The following PDE3A variants were observed in gnomAD, a reference collection of about 807,000 sequenced individuals.
PDE3A encodes cGMP-inhibited 3',5'-cyclic phosphodiesterase 3A.
PDE3A carries 43 observed loss-of-function variants against 98.3 expected under a neutral mutation model. The observed-to-expected ratio is 0.44, with a 90% CI of 0.34 to 0.56. PDE3A has a LOEUF of 0.56. Among genes scored for constraint, PDE3A ranks in the 20% least tolerant of loss-of-function variants. PDE3A has a pLI of 0.01. For missense variants in PDE3A, 1,427 were observed against 1,440.7 expected (o/e 0.99, Z 0.15); for synonymous variants, 663 against 567.9 (o/e 1.17, Z -2.38).
At chr12:20,664,277 C>G (rs1241609932) in intron 15 of PDE3A, among the ~76,000 whole-genome samples, 1 of 152,126 alleles carries the variant, frequency 6.6e-6, no homozygotes, top group Non-Finnish European at 1.5e-5. Context: ...AATTCACAAT[C>G]TAATGGGAGG....
At position 20,633,710 on chromosome 12, in the gene PDE3A, C is replaced by T; in HGVS notation, c.1778C>T (p.Ser593Phe). 1.2e-6 allele frequency: 2 copies of T among 1,609,640 alleles called. No individual in the cohort carries two copies. The highest frequency in any genetic ancestry group is 1.7e-6 in the Non-Finnish European group (2 of 1,177,334). Reference protein sequence around the residue: ...VICSSCGRPYSQGNPADEPLE... With the variant: ...VICSSCGRPYFQGNPADEPLE... ...TTTTTTAGCTGTGGCAGACCATATT[C>T]CCAAGGGAATCCTGCTGATGAGCCC... is the stretch of plus-strand genomic sequence containing the variant. Residue 593 changes from serine (S) to phenylalanine (F), a missense_variant, in exon 7 of 16, where the codon TCC becomes TTC. Coordinates refer to ENST00000359062, the MANE Select transcript of PDE3A (RefSeq NM_000921.5).
intron 2 of PDE3A, among the ~76,000 whole-genome samples, chr12:20,606,604 A>C (rs942802867): frequency 6.6e-6 from 1 of 152,052 alleles, no homozygotes; most frequent in African/African-American, 2.4e-5. Flanking sequence ...CACGCTTATA[A>C]TCCCAGGACT....
At chr12:20,525,760 G>A (rs1400547696) in intron 1 of PDE3A, among the ~76,000 whole-genome samples, 1 of 152,108 alleles carries the variant, frequency 6.6e-6, no homozygotes, top group African/African-American at 2.4e-5. Flanking sequence ...GTTTGGTAAG[G>A]TTACTAAAGA....
intron 15 of PDE3A, among the ~76,000 whole-genome samples, chr12:20,675,369 C>T (rs1945609428): frequency 1.3e-5 from 2 of 152,268 alleles, no homozygotes; most frequent in South Asian, 4.1e-4. Flanking sequence ...CATGTGCTGA[C>T]AATGAGTACT....
chr12:20,405,904 C>T (rs973924492), intron 1 of PDE3A, among the ~76,000 whole-genome samples: 17 of 152,180 alleles, frequency 1.1e-4, no homozygotes, highest in African/African-American at 4.1e-4. Context: ...CACCTTCCAG[C>T]GCTTGACAAT....
At chr12:20,543,609 A>G (rs561037401) in intron 1 of PDE3A, among the ~76,000 whole-genome samples, 1 of 152,174 alleles carries the variant, frequency 6.6e-6, no homozygotes, top group East Asian at 1.9e-4. Context: ...ACTCTGAGTA[A>G]TGCTGCATGA....
At chr12:20,654,901 C>T (rs1415074571) in intron 15 of PDE3A, among the ~76,000 whole-genome samples, 1 of 152,016 alleles carries the variant, frequency 6.6e-6, no homozygotes, top group Admixed American at 6.6e-5. Flanking sequence ...GTTAGGGGAA[C>T]TCCATGTGAA....
intron 1 of PDE3A, among the ~76,000 whole-genome samples, chr12:20,501,763 A>G (rs1946029037): frequency 6.6e-6 from 1 of 152,184 alleles, no homozygotes; most frequent in African/African-American, 2.4e-5. Context: ...CTGTAGTAAT[A>G]CAATCAAAAA....
At chr12:20,642,556 G>A (rs750766235) in intron 10 of PDE3A, among the ~76,000 whole-genome samples, 10 of 152,090 alleles carry the variant, frequency 6.6e-5, no homozygotes, top group Non-Finnish European at 1.5e-4. Context: ...TATTTTTGAA[G>A]GTAGTTTTTA....
In PDE3A at chr12:20,370,243, A is replaced by G; in HGVS notation, c.959A>G (p.Gln320Arg). The G allele has an allele frequency of 1.3e-6, 2 of 1,531,918 alleles. No homozygotes were observed. The highest frequency in any genetic ancestry group is 8.8e-7 in the Non-Finnish European group (1 of 1,142,128). 94.9% of individuals were successfully genotyped at this position (1,531,918 alleles called of 1,614,324 possible). A position where few individuals can be genotyped will look rare whatever the true frequency, so the allele number is the denominator to read the frequency against. ...RTSLPCIPRE[Q>R]LMGHSEWDHK... is the part of the protein sequence containing the mutation. ...TCCCTGCCCTGTATACCGAGGGAAC[A>G]GGTAAGCACTGGCAACTCCTCTCTC... Residue 320 changes from glutamine to arginine, a missense_variant and splice_region_variant, in exon 1 of 16, where the codon CAG becomes CGG. Physicochemically the swap from Gln to Arg is conservative, Grantham distance 43 (BLOSUM62 1). This residue lies in a region of PDE3A where 1,012 missense variants were observed against 886.5 expected (regional missense o/e 1.14). Coordinates refer to ENST00000359062, the MANE Select transcript of PDE3A (RefSeq NM_000921.5).
intron 1 of PDE3A, among the ~76,000 whole-genome samples, chr12:20,471,894 A>G (rs1650661997): frequency 6.6e-6 from 1 of 152,146 alleles, no homozygotes; most frequent in Non-Finnish European, 1.5e-5. Context: ...CAGGATGTAA[A>G]TGAAATGGTA....
chr12:20,647,804 T>C (rs1157042480), intron 12 of PDE3A, among the ~76,000 whole-genome samples: 1 of 152,102 alleles, frequency 6.6e-6, no homozygotes, highest in East Asian at 1.9e-4. Context: ...TTTCCACTTG[T>C]CTTTCATACA....
intron 1 of PDE3A, among the ~76,000 whole-genome samples, chr12:20,470,294 T>A (rs1051083515): frequency 1.3e-5 from 2 of 152,124 alleles, no homozygotes; most frequent in Non-Finnish European, 1.5e-5. Context: ...TAGTTTTTAT[T>A]TTGAATGTTG....
At chr12:20,426,667 G>A (rs1040657020) in intron 1 of PDE3A, among the ~76,000 whole-genome samples, 4 of 152,074 alleles carry the variant, frequency 2.6e-5, no homozygotes, top group Admixed American at 6.6e-5. Flanking sequence ...AAATGGACAC[G>A]CTTATATATT....
chr12:20,456,617 G>A (rs1370745609), intron 1 of PDE3A, among the ~76,000 whole-genome samples: 1 of 151,940 alleles, frequency 6.6e-6, no homozygotes, highest in African/African-American at 2.4e-5. Context: ...ATATTAATGT[G>A]GTAATAAAGA....
intron 1 of PDE3A, among the ~76,000 whole-genome samples, chr12:20,457,507 T>G (rs1474175854): frequency 1.3e-5 from 2 of 151,884 alleles, no homozygotes; most frequent in Non-Finnish European, 2.9e-5. Flanking sequence ...GTTTTATTTT[T>G]CGTTGTACAA....
chr12:20,638,459 T>C (rs1449481680), intron 9 of PDE3A, among the ~76,000 whole-genome samples: 3 of 152,174 alleles, frequency 2.0e-5, no homozygotes. Flanking sequence ...CCTTGCACTT[T>C]GCTAGGAGTT....
intron 1 of PDE3A, among the ~76,000 whole-genome samples, chr12:20,525,528 T>G (rs1465078750): frequency 6.6e-6 from 1 of 152,074 alleles, no homozygotes; most frequent in Non-Finnish European, 1.5e-5. Context: ...TCAAAATATC[T>G]TCAAGATGCT....
At chr12:20,473,901 T>A (rs957530479) in intron 1 of PDE3A, among the ~76,000 whole-genome samples, 1 of 152,174 alleles carries the variant, frequency 6.6e-6, no homozygotes, top group East Asian at 1.9e-4. Context: ...GTTTTTGGAT[T>A]GTTTTCAATA....
Sources: gnomAD v4.1 joint callset for allele counts (sites outside exome capture counted in the v4.1 genomes callset) on GRCh38, gnomAD v4.1.1 for gene constraint, gnomAD v4.1.1 regional missense constraint, MANE v1.5 for transcripts, NCBI Gene and HGNC (gene_info 2026-07-23, HGNC 2026-07-21) for gene names.